Variants in MAF observed in about 807,000 individuals in gnomAD.
The protein encoded by MAF is transcription factor Maf.
In MAF, 10 loss-of-function variants were observed where a neutral mutation model predicts 22.0. The ratio of observed to expected loss-of-function variants is 0.45; its 90% CI spans 0.28 to 0.77. MAF has a LOEUF of 0.77. Among genes scored for constraint, MAF ranks in the 30% least tolerant of loss-of-function variants. The pLI, the probability that MAF is intolerant of heterozygous loss-of-function variation, is 0.12. For missense variants in MAF, 544 were observed against 548.4 expected (o/e 0.99, Z 0.08); for synonymous variants, 337 against 255.8 (o/e 1.32, Z -3.03).
At chr16:79,350,939 C>T in the MAF span, among the ~76,000 whole-genome samples, 2 of 150,936 alleles carry the variant, frequency 1.3e-5, no homozygotes, top group Non-Finnish European at 2.9e-5. Context: ...TTACTATGTG[C>T]TCAAGAGGAA....
the MAF span, among the ~76,000 whole-genome samples, chr16:79,366,186 G>C: frequency 6.6e-6 from 1 of 152,110 alleles, no homozygotes; most frequent in East Asian, 1.9e-4. Context: ...AATAGTATCA[G>C]GACATCTGAA....
the MAF span, among the ~76,000 whole-genome samples, chr16:79,332,735 T>C: frequency 2.0e-5 from 3 of 152,104 alleles, no homozygotes. Context: ...GATGGAGGAG[T>C]AAACTGAGGC....
the MAF span, among the ~76,000 whole-genome samples, chr16:79,293,946 T>C: frequency 6.6e-6 from 1 of 152,068 alleles, no homozygotes; most frequent in Non-Finnish European, 1.5e-5. Flanking sequence ...ACTCCACGGT[T>C]GGTAGGTTAC....
the MAF span, among the ~76,000 whole-genome samples, chr16:79,364,073 C>T: frequency 6.6e-6 from 1 of 152,090 alleles, no homozygotes; most frequent in Non-Finnish European, 1.5e-5. Context: ...TAATTTAATC[C>T]TTGTCTGTGT....
chr16:79,589,760 A>G (rs1913077058), downstream of MAF, among the ~76,000 whole-genome samples: 1 of 152,168 alleles, frequency 6.6e-6, no homozygotes, highest in Admixed American at 6.5e-5. Flanking sequence ...TTGACTTTTT[A>G]AACCAAATTT....
the MAF span, among the ~76,000 whole-genome samples, chr16:79,524,081 G>A: frequency 6.6e-6 from 1 of 152,164 alleles, no homozygotes; most frequent in African/African-American, 2.4e-5. Context: ...GGCCCTGGGG[G>A]ATTTGAGGAG....
At chr16:79,549,808 T>G in the MAF span, among the ~76,000 whole-genome samples, 2 of 152,156 alleles carry the variant, frequency 1.3e-5, no homozygotes, top group Non-Finnish European at 2.9e-5. Flanking sequence ...ACAGATTGAA[T>G]CTAGGGATGG....
chr16:79,255,540 T>A, the MAF span, among the ~76,000 whole-genome samples: 3 of 152,244 alleles, frequency 2.0e-5, no homozygotes, highest in African/African-American at 7.2e-5. Context: ...ATAACACATT[T>A]GCTTTACTGC....
intron 1 of MAF, chr16:79,596,807 T>C (rs968539934): frequency 3.8e-6 from 4 of 1,048,918 alleles, no homozygotes; most frequent in East Asian, 1.1e-4. Context: ...TGTAAAAAAA[T>C]CTGCATCATC....
the MAF span, among the ~76,000 whole-genome samples, chr16:79,285,283 T>A: frequency 6.6e-6 from 1 of 152,120 alleles, no homozygotes; most frequent in Non-Finnish European, 1.5e-5. Flanking sequence ...CCCCCTTTCG[T>A]TAGGTCTTTA....
At chr16:79,395,142 G>A in the MAF span, among the ~76,000 whole-genome samples, 1 of 152,200 alleles carries the variant, frequency 6.6e-6, no homozygotes, top group Non-Finnish European at 1.5e-5. Flanking sequence ...CAGGTAGGAG[G>A]CCAAAGCGGT....
chr16:79,211,561 A>ACTC, the MAF span: 1 of 1,610,390 alleles, frequency 6.2e-7, no homozygotes, highest in Admixed American at 1.7e-5. Context: ...CCATCTCATC[A>ACTC]CTCCTTTTCT....
the MAF span, among the ~76,000 whole-genome samples, chr16:79,434,555 G>A: frequency 1.3e-5 from 2 of 151,792 alleles, no homozygotes; most frequent in African/African-American, 2.4e-5. Flanking sequence ...ATTTATATGG[G>A]ATGTTTTATA....
the MAF span, among the ~76,000 whole-genome samples, chr16:79,315,375 T>C: frequency 5.9e-5 from 9 of 152,226 alleles, no homozygotes; most frequent in Non-Finnish European, 1.2e-4. Flanking sequence ...AATATTTTAC[T>C]AATGCTAAGA....
chr16:79,451,629 G>A, the MAF span, among the ~76,000 whole-genome samples: 1 of 152,118 alleles, frequency 6.6e-6, no homozygotes, highest in Non-Finnish European at 1.5e-5. Context: ...ATTCTTTTCT[G>A]AGTCAGCAAA....
the MAF span, among the ~76,000 whole-genome samples, chr16:79,277,931 G>A: frequency 1.4e-4 from 22 of 152,242 alleles, no homozygotes; most frequent in Non-Finnish European, 2.9e-4. Context: ...GTTGACTGGG[G>A]GTGGGGCACA....
the MAF span, among the ~76,000 whole-genome samples, chr16:79,323,989 T>A: frequency 6.6e-6 from 1 of 152,182 alleles, no homozygotes; most frequent in African/African-American, 2.4e-5. Context: ...AGCGTATGCA[T>A]CTTCACACTG....
the MAF span, among the ~76,000 whole-genome samples, chr16:79,439,931 T>A: frequency 6.6e-6 from 1 of 152,264 alleles, no homozygotes; most frequent in South Asian, 2.1e-4. Context: ...CTGTTGTTGA[T>A]TTGCTTTTCT....
the MAF span, among the ~76,000 whole-genome samples, chr16:79,523,384 T>G: frequency 1.3e-5 from 2 of 152,232 alleles, no homozygotes; most frequent in African/African-American, 4.8e-5. Context: ...GTATAGGAAA[T>G]GAGGTTATGT....
Sources: gnomAD v4.1 joint callset for allele counts (sites outside exome capture counted in the v4.1 genomes callset) on GRCh38, gnomAD v4.1.1 for gene constraint, MANE v1.5 for transcripts, NCBI Gene and HGNC (gene_info 2026-07-23, HGNC 2026-07-21) for gene names.